SGCG: variants seen among roughly 807,000 people sequenced by gnomAD.
SGCG encodes the protein sarcoglycan gamma.
SGCG carries 26 observed loss-of-function variants against 29.3 expected under a neutral mutation model. The ratio of observed to expected loss-of-function variants is 0.89; its 90% CI spans 0.65 to 1.23. The LOEUF is 1.23. SGCG is among the 50% of genes most tolerant of loss of function. The probability of loss-of-function intolerance (pLI) is 0.00; values close to 1 mark genes in which losing one functional copy is unlikely to be tolerated. For synonymous variants in SGCG, 145 were observed against 129.7 expected, an observed-to-expected ratio of 1.12 and a Z score of -0.80; for missense variants, 353 against 356.0, an observed-to-expected ratio of 0.99 and a Z score of 0.07.
At chr13:23,222,426 T>C (rs1202433829) in intron 2 of SGCG, among the ~76,000 whole-genome samples, 1 of 64,832 alleles carries the variant, frequency 1.5e-5, no homozygotes, top group Non-Finnish European at 3.4e-5. Context: ...AATTAATTTT[T>C]ATGTATGATG....
At chr13:23,262,092 A>G (rs1023963883) in intron 4 of SGCG, among the ~76,000 whole-genome samples, 8 of 151,998 alleles carry the variant, frequency 5.3e-5, no homozygotes, top group Non-Finnish European at 1.0e-4. Context: ...TAAAACAATA[A>G]CACAATGAAG....
chr13:23,225,398 T>TA (rs1262777386), intron 2 of SGCG, among the ~76,000 whole-genome samples: 1 of 152,214 alleles, frequency 6.6e-6, no homozygotes, highest in Non-Finnish European at 1.5e-5. Flanking sequence ...TGAAACTACT[T>TA]AAGTGTCTTG....
At position 23,225,071 on chromosome 13, in the gene SGCG, C is replaced by A. The variant is rs562621194; in HGVS notation, c.196-9540C>A. 2.0e-5 allele frequency among the ~76,000 whole-genome samples: 3 copies of A among 152,250 alleles called. No individual in the cohort carries two copies. The South Asian group carries it at 6.2e-4, about 32-fold the overall frequency. ...CAGTGTCTGCACTTCAACTAGATCC[C>A]AGCTGGTGTAAATACTCATGGAAGT... On this transcript the variant is annotated intron_variant, in intron 2 of 7. Coordinates refer to ENST00000218867, the MANE Select transcript of SGCG (RefSeq NM_000231.3).
chr13:23,297,295 C>G (rs539274723), intron 6 of SGCG, among the ~76,000 whole-genome samples: 77 of 151,824 alleles, frequency 5.1e-4, no homozygotes, highest in African/African-American at 1.8e-3. Context: ...CAGGGAGACC[C>G]TAACCCAGCA....
At chr13:23,234,408 T>C (rs1879228593) in intron 2 of SGCG, among the ~76,000 whole-genome samples, 2 of 152,172 alleles carry the variant, frequency 1.3e-5, no homozygotes, top group Admixed American at 6.5e-5. Flanking sequence ...ATATATGTTT[T>C]CTAAAGAGCT....
the SGCG span, among the ~76,000 whole-genome samples, chr13:23,163,107 A>C: frequency 6.6e-6 from 1 of 152,202 alleles, no homozygotes; most frequent in Non-Finnish European, 1.5e-5. Flanking sequence ...GTTAAATGTG[A>C]AGTAAAAAAA....
At chr13:23,236,429 G>A (rs1459112139) in intron 3 of SGCG, among the ~76,000 whole-genome samples, 2 of 152,142 alleles carry the variant, frequency 1.3e-5, no homozygotes, top group African/African-American at 2.4e-5. Flanking sequence ...TGTAATCCCA[G>A]CACTTTGGGA....
chr13:23,322,765 T>TCCCCCCCCCCCCC (rs1189871837), intron 7 of SGCG, among the ~76,000 whole-genome samples: 631 of 61,394 alleles, frequency 0.01, 14 homozygotes, highest in East Asian at 0.019. Context: ...CCCCCACCCA[T>TCCCCCCCCCCCCC]CCACCTCCCC....
At chr13:23,195,957 G>C (rs112492918) in intron 1 of SGCG, among the ~76,000 whole-genome samples, 3,081 of 151,620 alleles carry the variant, frequency 0.02, 114 homozygotes, top group African/African-American at 0.07. Context: ...AAAGAAATTT[G>C]GGAAATACTA....
At chr13:23,220,281 G>A (rs980579930) in intron 2 of SGCG, among the ~76,000 whole-genome samples, 3 of 152,116 alleles carry the variant, frequency 2.0e-5, no homozygotes, top group African/African-American at 7.2e-5. Flanking sequence ...GGAGAAACCC[G>A]TCTCTACTAA....
At chr13:23,253,795 G>A (rs1880067448) in intron 4 of SGCG, among the ~76,000 whole-genome samples, 1 of 152,198 alleles carries the variant, frequency 6.6e-6, no homozygotes, top group South Asian at 2.1e-4. Flanking sequence ...CCTTGGTGAA[G>A]AGTGGGTTAT....
intron 3 of SGCG, among the ~76,000 whole-genome samples, chr13:23,248,199 T>C (rs1180427059): frequency 4.0e-5 from 6 of 151,620 alleles, no homozygotes; most frequent in Non-Finnish European, 8.9e-5. Context: ...AAAAAAAATT[T>C]CTATCAAAAA....
At chr13:23,217,528 T>G (rs1288420919) in intron 2 of SGCG, 1 of 152,102 alleles carries the variant, frequency 6.6e-6, no homozygotes, top group Non-Finnish European at 1.5e-5. Flanking sequence ...TACTGCTAAA[T>G]GAACATAACA....
intron 3 of SGCG, chr13:23,244,589 T>C (rs547577101): frequency 2.0e-5 from 3 of 152,304 alleles, no homozygotes; most frequent in East Asian, 1.9e-4. Context: ...CCTTGACACA[T>C]TGTAACCAGT....
intron 2 of SGCG, among the ~76,000 whole-genome samples, chr13:23,215,259 C>T (rs907250524): frequency 1.3e-5 from 2 of 152,174 alleles, no homozygotes; most frequent in Non-Finnish European, 2.9e-5. Flanking sequence ...CAGATCTATT[C>T]ACTTTCTTCC....
intron 2 of SGCG, among the ~76,000 whole-genome samples, chr13:23,221,706 G>A (rs1278018437): frequency 2.6e-5 from 4 of 152,110 alleles, no homozygotes; most frequent in Non-Finnish European, 5.9e-5. Flanking sequence ...ACTCAAAATG[G>A]TTTAAGGAGG....
chr13:23,162,894 G>C, the SGCG span, among the ~76,000 whole-genome samples: 1 of 151,940 alleles, frequency 6.6e-6, no homozygotes, highest in Non-Finnish European at 1.5e-5. Context: ...TCCTACAAGA[G>C]ACCTTATTGT....
chr13:23,260,105 C>T (rs577659968), intron 4 of SGCG, among the ~76,000 whole-genome samples: 491 of 152,158 alleles, frequency 3.2e-3, no homozygotes, highest in Middle Eastern at 0.01. Flanking sequence ...TCCTTGTTAA[C>T]CTTCTGTCTC....
At chr13:23,277,069 C>T (rs184111032) in intron 4 of SGCG, among the ~76,000 whole-genome samples, 8 of 152,272 alleles carry the variant, frequency 5.3e-5, no homozygotes, top group Admixed American at 3.9e-4. Context: ...TGTGGATTTG[C>T]TGCTCAGACT....
Sources: gnomAD v4.1 joint callset for allele counts (sites outside exome capture counted in the v4.1 genomes callset) on GRCh38, gnomAD v4.1.1 for gene constraint, MANE v1.5 for transcripts, NCBI Gene and HGNC (gene_info 2026-07-23, HGNC 2026-07-21) for gene names.